LRBA: variants seen among roughly 807,000 people sequenced by gnomAD.
The protein encoded by LRBA is lipopolysaccharide-responsive and beige-like anchor protein.
A neutral mutation model predicts 330.0 loss-of-function variants in LRBA; 176 were observed. That is an observed-to-expected ratio of 0.53 (90% CI 0.47 to 0.60). LRBA has a LOEUF of 0.60. Ranked by LOEUF, LRBA falls within the 20% of genes least tolerant of loss-of-function variation. The pLI is 0.00. For missense variants in LRBA, 3,259 were observed against 3,444.8 expected, an observed-to-expected ratio of 0.95 and a Z score of 1.35; for synonymous variants, 1,230 against 1,193.0, an observed-to-expected ratio of 1.03 and a Z score of -0.64.
chr4:150,799,007 C>A (rs939304265), intron 33 of LRBA, among the ~76,000 whole-genome samples: 1 of 152,012 alleles, frequency 6.6e-6, no homozygotes, highest in Non-Finnish European at 1.5e-5. Flanking sequence ...TTTTTTCTCC[C>A]GAAGAAAACT....
intron 44 of LRBA, among the ~76,000 whole-genome samples, chr4:150,460,356 G>A (rs1054842932): frequency 6.6e-6 from 1 of 151,760 alleles, no homozygotes; most frequent in Admixed American, 6.6e-5. Context: ...AAGAGAGAGC[G>A]AGAAACAGAA....
rs375166878 is a variant in LRBA at position 150,300,857 on chromosome 4, T to C, written c.8017+1768A>G. 4.6e-5 allele frequency among the ~76,000 whole-genome samples: 7 copies of C among 152,242 alleles called. No homozygotes were observed. In the East Asian group the frequency reaches 1.3e-3, roughly 29 times the overall value. Reference sequence around the variant, plus strand: ...AGTAATTACATACAAGTGTAGCTAATAGGTCTTTAGCTGCTTTTTAGAATA... The same window carrying C: ...AGTAATTACATACAAGTGTAGCTAACAGGTCTTTAGCTGCTTTTTAGAATA... On this transcript the variant is annotated intron_variant, in intron 53 of 56. Transcript: ENST00000651943.
At chr4:150,365,791 C>CAAAAA (rs58972028) in intron 47 of LRBA, among the ~76,000 whole-genome samples, 1 of 91,692 alleles carries the variant, frequency 1.1e-5, no homozygotes, top group Non-Finnish European at 2.2e-5. Context: ...AACTCTGTCT[C>CAAAAA]AAAAAAAAAA....
intron 56 of LRBA, among the ~76,000 whole-genome samples, chr4:150,271,595 C>A (rs1746108310): frequency 6.9e-6 from 1 of 145,288 alleles, no homozygotes; most frequent in African/African-American, 2.7e-5. Context: ...GCCCAGCAAG[C>A]TAAGATCCAC....
intron 17 of LRBA, among the ~76,000 whole-genome samples, chr4:150,877,799 A>T (rs1005508714): frequency 2.0e-5 from 3 of 152,220 alleles, no homozygotes; most frequent in Non-Finnish European, 4.4e-5. Flanking sequence ...AAGTCTCAAT[A>T]AATTCAAAAA....
chr4:150,881,932 C>T (rs1232616848), intron 17 of LRBA, among the ~76,000 whole-genome samples: 1 of 151,894 alleles, frequency 6.6e-6, no homozygotes, highest in African/African-American at 2.4e-5. Flanking sequence ...ATTAAAAATA[C>T]AAAATTAGTT....
intron 37 of LRBA, among the ~76,000 whole-genome samples, chr4:150,668,333 C>A (rs1781747421): frequency 6.6e-6 from 1 of 152,094 alleles, no homozygotes; most frequent in East Asian, 1.9e-4. Context: ...ATTAGTGGGT[C>A]TGGAGGGAAA....
intron 22 of LRBA, among the ~76,000 whole-genome samples, chr4:150,866,502 T>C (rs1484702861): frequency 2.0e-5 from 3 of 152,222 alleles, no homozygotes; most frequent in Non-Finnish European, 4.4e-5. Flanking sequence ...GATTAGGTGA[T>C]GTGAAGCAAT....
At chr4:150,668,606 T>C (rs1358694628) in intron 37 of LRBA, among the ~76,000 whole-genome samples, 1 of 152,262 alleles carries the variant, frequency 6.6e-6, no homozygotes, top group Non-Finnish European at 1.5e-5. Flanking sequence ...GAACCTGTAA[T>C]TCTTTCATTC....
intron 2 of LRBA, among the ~76,000 whole-genome samples, chr4:150,951,509 T>G (rs965048413): frequency 3.3e-5 from 5 of 152,158 alleles, no homozygotes; most frequent in Non-Finnish European, 1.5e-5. Flanking sequence ...AAATTACAAT[T>G]GCAGGGTTTT....
intron 44 of LRBA, among the ~76,000 whole-genome samples, chr4:150,454,620 C>T (rs1303389380): frequency 6.6e-6 from 1 of 151,464 alleles, no homozygotes; most frequent in African/African-American, 2.4e-5. Flanking sequence ...TTAGGGGGTA[C>T]AAGTAGCTTT....
At chr4:150,315,268 C>A (rs1018932016) in intron 51 of LRBA, 11 of 458,252 alleles carry the variant, frequency 2.4e-5, no homozygotes, top group African/African-American at 2.1e-4. Flanking sequence ...ATGAAAAGAT[C>A]CAATATTATC....
Position 150,959,218 on chromosome 4 carries a change from G to C in LRBA, c.217-30153C>G, listed in dbSNP as rs970944300. Reference sequence around the variant, plus strand: ...ACATCTTACATGGCAGCAGCCAAGAGTGTGTGCAGGGGAACTCCCCTTTAT... The same window carrying C: ...ACATCTTACATGGCAGCAGCCAAGACTGTGTGCAGGGGAACTCCCCTTTAT... On this transcript the variant is annotated intron_variant, in intron 2 of 56. Coordinates refer to ENST00000651943, the MANE Select transcript of LRBA (RefSeq NM_001364905.1). Among the ~76,000 whole-genome samples, 4 of 149,310 alleles carry C rather than the reference G, an allele frequency of 2.7e-5. 1 individual carries two copies. The highest frequency in any genetic ancestry group is 7.8e-5 in the African/African-American group (3 of 38,680).
In LRBA at chr4:150,321,104, C is replaced by G. The variant is rs915713289; in HGVS notation, c.7630+87G>C. 2.4e-6 allele frequency: 3 copies of G among 1,249,934 alleles called. No homozygotes were observed. Among genetic ancestry groups the G allele is most frequent in the Non-Finnish European group, 3.3e-6 (3 of 901,708 alleles). 77.4% of individuals were successfully genotyped at this position (1,249,934 alleles called of 1,614,324 possible). On this transcript the variant is annotated intron_variant, in intron 50 of 56. Transcript: ENST00000651943. The surrounding 1 kb of genome is among the most constrained non-coding windows in gnomAD (Gnocchi z 4.5). ...CAGACTAATGCTTGAAAATTAAAAGCTTAAATGTTGAGATATGCTATATTT... is the reference window on the plus strand; with the variant it reads ...CAGACTAATGCTTGAAAATTAAAAGGTTAAATGTTGAGATATGCTATATTT...
chr4:150,896,460 C>CA lies in LRBA; in HGVS notation c.2005-5dup. Reference sequence around the variant, plus strand: ...CATCTTCCTTTACTCCAGAATCCTTCAAAAACATAATACAGGTATCTTACG... The same window carrying CA: ...CATCTTCCTTTACTCCAGAATCCTTCAAAAAACATAATACAGGTATCTTACG... On this transcript the variant is annotated splice_region_variant and splice_polypyrimidine_tract_variant and intron_variant, in intron 15 of 56. Coordinates refer to ENST00000651943, the MANE Select transcript of LRBA (RefSeq NM_001364905.1). 1 of 1,492,694 alleles carries CA rather than the reference C, an allele frequency of 6.7e-7. No homozygotes were observed. Among genetic ancestry groups the CA allele is most frequent in the Non-Finnish European group, 9.2e-7 (1 of 1,084,748 alleles). 92.5% of individuals were successfully genotyped at this position (1,492,694 alleles called of 1,614,324 possible).
chr4:150,989,017 T>G (rs1741776636), intron 2 of LRBA, among the ~76,000 whole-genome samples: 1 of 152,026 alleles, frequency 6.6e-6, no homozygotes, highest in Admixed American at 6.6e-5. Flanking sequence ...TGTTTTTTTG[T>G]TTTGAGACAG....
intron 30 of LRBA, among the ~76,000 whole-genome samples, chr4:150,820,470 A>T (rs1040860633): frequency 2.6e-5 from 4 of 152,094 alleles, no homozygotes; most frequent in African/African-American, 9.7e-5. Context: ...GATCTCTAAC[A>T]TATAAAATTA....
intron 12 of LRBA, 145 bp downstream of exon 12, chr4:150,906,152 G>T: frequency 1.3e-6 from 1 of 780,862 alleles, no homozygotes; most frequent in Non-Finnish European, 2.1e-6. Flanking sequence ...TGGAGGCAAG[G>T]TAAAACAACA....
chr4:150,943,478 C>T (rs570201259), intron 2 of LRBA, among the ~76,000 whole-genome samples: 2 of 152,230 alleles, frequency 1.3e-5, no homozygotes, highest in South Asian at 4.1e-4. Flanking sequence ...GTTCTTGAAG[C>T]TTATTATTGT....
Sources: allele counts gnomAD v4.1 joint callset (sites outside exome capture counted in the v4.1 genomes callset), GRCh38; gene constraint gnomAD v4.1.1; non-coding constraint Gnocchi (gnomAD v3.1); transcripts MANE v1.5; gene names NCBI Gene and HGNC (gene_info 2026-07-23, HGNC 2026-07-21).